The following RTN1 variants were observed in gnomAD, a reference collection of about 807,000 sequenced individuals.
The protein encoded by RTN1 is reticulon-1.
A neutral mutation model predicts 65.5 loss-of-function variants in RTN1; 25 were observed. The observed-to-expected ratio is 0.38, with a 90% CI of 0.28 to 0.53. The LOEUF (loss-of-function observed/expected upper bound fraction) is 0.53. Among genes scored for constraint, RTN1 ranks in the 20% least tolerant of loss-of-function variants. The pLI is 0.79. For synonymous variants in RTN1, 471 were observed against 447.6 expected, an observed-to-expected ratio of 1.05 and a Z score of -0.66; for missense variants, 983 against 1,025.4, an observed-to-expected ratio of 0.96 and a Z score of 0.57.
At chr14:59,716,133 A>G (rs1389590504) in intron 3 of RTN1, among the ~76,000 whole-genome samples, 1 of 152,232 alleles carries the variant, frequency 6.6e-6, no homozygotes, top group African/African-American at 2.4e-5. Flanking sequence ...ACATCTATAT[A>G]CATTTTTGAT....
intron 3 of RTN1, among the ~76,000 whole-genome samples, chr14:59,613,806 G>GAAAA (rs34219803): frequency 1.4e-5 from 2 of 147,352 alleles, no homozygotes; most frequent in African/African-American, 5.0e-5. Flanking sequence ...CCCTGTTTTG[G>GAAAA]AAAAAAAAAA....
intron 3 of RTN1, among the ~76,000 whole-genome samples, chr14:59,711,201 G>T (rs1884411673): frequency 6.6e-6 from 1 of 152,206 alleles, no homozygotes; most frequent in Admixed American, 6.5e-5. Context: ...AGTTTCAACA[G>T]ACTGGTCTTG....
chr14:59,838,777 G>GTT (rs1887259067), intron 1 of RTN1, among the ~76,000 whole-genome samples: 1 of 152,058 alleles, frequency 6.6e-6, no homozygotes, highest in Non-Finnish European at 1.5e-5. Flanking sequence ...AATACTACGT[G>GTT]AAAATTGAGA....
chr14:59,660,584 C>A (rs1883222680), intron 3 of RTN1, among the ~76,000 whole-genome samples: 1 of 152,120 alleles, frequency 6.6e-6, no homozygotes, highest in Non-Finnish European at 1.5e-5. Flanking sequence ...GATTAAGGAA[C>A]TCAAAACCAC....
chr14:59,843,993 AT>A (rs1650804336), intron 1 of RTN1, among the ~76,000 whole-genome samples: 1 of 152,220 alleles, frequency 6.6e-6, no homozygotes, highest in Admixed American at 6.5e-5. Flanking sequence ...AATTTGCTCC[AT>A]GAAAAAGGCT....
intron 3 of RTN1, among the ~76,000 whole-genome samples, chr14:59,681,133 G>C (rs1170540234): frequency 6.6e-6 from 1 of 151,774 alleles, no homozygotes; most frequent in Non-Finnish European, 1.5e-5. Context: ...TCATCTAAGT[G>C]CTCATAAAAC....
At chr14:59,756,353 C>A (rs1885636590) in intron 1 of RTN1, among the ~76,000 whole-genome samples, 1 of 152,110 alleles carries the variant, frequency 6.6e-6, no homozygotes, top group African/African-American at 2.4e-5. Flanking sequence ...TGCCTAAAAT[C>A]CTATATAGAC....
chr14:59,671,521 T>C (rs1347924877), intron 3 of RTN1, among the ~76,000 whole-genome samples: 1 of 152,216 alleles, frequency 6.6e-6, no homozygotes, highest in East Asian at 1.9e-4. Flanking sequence ...TCACATGGAT[T>C]ATTTTATTTA....
At chr14:59,666,829 T>G (rs750529684) in intron 3 of RTN1, among the ~76,000 whole-genome samples, 3 of 151,790 alleles carry the variant, frequency 2.0e-5, no homozygotes, top group African/African-American at 4.8e-5. Context: ...ACAAATAAAC[T>G]AGAAAATCTA....
intron 1 of RTN1, among the ~76,000 whole-genome samples, chr14:59,815,851 A>T (rs1279743459): frequency 6.6e-6 from 1 of 151,942 alleles, no homozygotes; most frequent in Non-Finnish European, 1.5e-5. Context: ...TGAAGGTCTC[A>T]CTGGGCCCTT....
In RTN1 at chr14:59,603,989, A is replaced by T. The variant is rs529502670; in HGVS notation, c.2113-68T>A. The stretch of plus-strand genomic sequence containing the variant: ...GACAAGTTAGAGTCTCATATCATTG[A>T]CTTTTACCTAGATTTGAATTTGAGT... On this transcript the variant is annotated intron_variant, in intron 5 of 8. Transcript: ENST00000267484. 3.3e-6 allele frequency: 4 copies of T among 1,219,578 alleles called. No homozygotes were observed. In the South Asian group the frequency reaches 3.6e-5, roughly 11 times the overall value. The allele number at this position is 1,219,578 out of a possible 1,614,324, so 75.5% of individuals were successfully genotyped here. A position where few individuals can be genotyped will look rare whatever the true frequency, so the allele number is the denominator to read the frequency against.
At chr14:59,643,635 G>A (rs1355219805) in intron 3 of RTN1, among the ~76,000 whole-genome samples, 1 of 152,138 alleles carries the variant, frequency 6.6e-6, no homozygotes, top group Non-Finnish European at 1.5e-5. Context: ...GCAGACAAAA[G>A]GGGGATGCTT....
chr14:59,721,886 G>A (rs570354578), intron 3 of RTN1, among the ~76,000 whole-genome samples: 6 of 152,042 alleles, frequency 3.9e-5, no homozygotes, highest in Admixed American at 1.3e-4. Context: ...TCCAGACTTA[G>A]TTCTTCTAAA....
chr14:59,803,637 A>T lies in RTN1; in HGVS notation c.242-57156T>A, dbSNP rs1165615012. The stretch of plus-strand genomic sequence containing the variant: ...GACAAGAGGTAAAAGTATTAATGTG[A>T]CCCACTTCTATTCATCATCCAGCTC... On this transcript the variant is annotated intron_variant, in intron 1 of 8. Coordinates refer to ENST00000267484, the MANE Select transcript of RTN1 (RefSeq NM_021136.3). This position sits in a 1 kb window ranked among gnomAD's most constrained non-coding sequence, Gnocchi z 5.6. 6.6e-6 allele frequency among the ~76,000 whole-genome samples: 1 copy of T among 152,164 alleles called. No individual in the cohort carries two copies. The highest frequency in any genetic ancestry group is 1.5e-5 in the Non-Finnish European group (1 of 68,038).
At chr14:59,709,051 A>G (rs1197793407) in intron 3 of RTN1, among the ~76,000 whole-genome samples, 8 of 152,230 alleles carry the variant, frequency 5.3e-5, no homozygotes, top group African/African-American at 1.7e-4. Context: ...GAGAATCTGC[A>G]TATGAACTAG....
chr14:59,658,633 C>T (rs186400293), intron 3 of RTN1, among the ~76,000 whole-genome samples: 1 of 152,150 alleles, frequency 6.6e-6, no homozygotes, highest in Admixed American at 6.5e-5. Flanking sequence ...AGCAGACTTG[C>T]AGCAGAGGGG....
At chr14:59,625,943 C>T (rs1440680980) in intron 3 of RTN1, among the ~76,000 whole-genome samples, 1 of 152,066 alleles carries the variant, frequency 6.6e-6, no homozygotes, top group Non-Finnish European at 1.5e-5. Flanking sequence ...TCCCCTTCTC[C>T]CCAGCTAAGG....
intron 2 of RTN1, among the ~76,000 whole-genome samples, chr14:59,735,001 TC>T (rs1164495895): frequency 6.6e-6 from 1 of 150,942 alleles, no homozygotes; most frequent in Non-Finnish European, 1.5e-5. Context: ...GACCAGGACA[TC>T]TATAAAGGGA....
intron 1 of RTN1, among the ~76,000 whole-genome samples, chr14:59,749,348 CTATATATATCTA>C (rs1158237278): frequency 3.3e-4 from 11 of 33,486 alleles, no homozygotes; most frequent in East Asian, 1.5e-3. Context: ...CTATATATAT[CTATATATATCTA>C]TATATATATC....
Sources: allele counts gnomAD v4.1 joint callset (sites outside exome capture counted in the v4.1 genomes callset), GRCh38; gene constraint gnomAD v4.1.1; non-coding constraint Gnocchi (gnomAD v3.1); transcripts MANE v1.5; gene names NCBI Gene and HGNC (gene_info 2026-07-23, HGNC 2026-07-21).